Variants in TAFA5 observed in about 807,000 individuals in gnomAD.
The protein encoded by TAFA5 is chemokine-like protein TAFA-5.
In TAFA5, 6 loss-of-function variants were observed where a neutral mutation model predicts 15.3. The ratio of observed to expected loss-of-function variants is 0.39; its 90% confidence interval spans 0.21 to 0.77. The LOEUF is 0.77. Among genes scored for constraint, TAFA5 ranks in the 30% least tolerant of loss-of-function variants. The pLI is 0.41. For synonymous variants in TAFA5, 103 were observed against 80.7 expected (o/e 1.28, Z -1.48); for missense variants, 161 against 193.1 (o/e 0.83, Z 0.98).
chr22:48,499,808 C>A (rs892434951), intron 1 of TAFA5, among the ~76,000 whole-genome samples: 2 of 152,218 alleles, frequency 1.3e-5, no homozygotes, highest in Non-Finnish European at 2.9e-5. Context: ...CGGACCTTCC[C>A]TCCCGGGTCC....
intron 1 of TAFA5, among the ~76,000 whole-genome samples, chr22:48,628,789 GCCA>G (rs1300172678): frequency 3.9e-5 from 6 of 152,224 alleles, no homozygotes; most frequent in Admixed American, 2.6e-4. Context: ...CAGCTCCGCG[GCCA>G]CCAACAGTTA....
At chr22:48,717,026 T>G (rs1413097488) in intron 3 of TAFA5, among the ~76,000 whole-genome samples, 1 of 152,090 alleles carries the variant, frequency 6.6e-6, no homozygotes, top group East Asian at 1.9e-4. Flanking sequence ...TTTCTAAAAA[T>G]CTCTCCAGAA....
intron 1 of TAFA5, among the ~76,000 whole-genome samples, chr22:48,577,609 C>T (rs190697566): frequency 6.6e-6 from 1 of 152,330 alleles, no homozygotes; most frequent in Non-Finnish European, 1.5e-5. Context: ...AGAGGAAGGG[C>T]TTGCAACATT....
At chr22:48,641,382 TG>T (rs1926670571) in intron 1 of TAFA5, among the ~76,000 whole-genome samples, 1 of 152,124 alleles carries the variant, frequency 6.6e-6, no homozygotes, top group African/African-American at 2.4e-5. Context: ...GGGCTGGTCC[TG>T]GGGGCTGGAG....
chr22:48,698,283 C>G (rs1210007509), intron 2 of TAFA5, among the ~76,000 whole-genome samples: 1 of 151,826 alleles, frequency 6.6e-6, no homozygotes, highest in Admixed American at 6.6e-5. Flanking sequence ...CGAGACCAGC[C>G]TGGCCAACAT....
intron 3 of TAFA5, among the ~76,000 whole-genome samples, chr22:48,740,381 C>T (rs372516435): frequency 1.3e-5 from 2 of 152,304 alleles, no homozygotes; most frequent in East Asian, 1.9e-4. Context: ...CTCCAGACTC[C>T]GGCCCCTCCC....
chr22:48,585,172 G>C (rs972778705), intron 1 of TAFA5, among the ~76,000 whole-genome samples: 3 of 130,642 alleles, frequency 2.3e-5, no homozygotes, highest in Non-Finnish European at 4.9e-5. Flanking sequence ...CACCACACAC[G>C]ACACACTGTG....
At chr22:48,571,531 C>T (rs551422491) in intron 1 of TAFA5, among the ~76,000 whole-genome samples, 142 of 144,038 alleles carry the variant, frequency 9.9e-4, no homozygotes, top group African/African-American at 3.5e-3. Context: ...CCTTGGCCTC[C>T]CAAAGTGCTG....
chr22:48,695,093 T>C (rs130119), intron 2 of TAFA5, among the ~76,000 whole-genome samples: 152,061 of 152,066 alleles, frequency 1, 76,028 homozygotes, highest in Middle Eastern at 1. Context: ...CCATTTGACT[T>C]CGTGAGGCCA....
intron 1 of TAFA5, among the ~76,000 whole-genome samples, chr22:48,591,678 C>G (rs143856855): frequency 6.6e-6 from 1 of 152,154 alleles, no homozygotes; most frequent in Admixed American, 6.5e-5. Flanking sequence ...AGGTGAATGC[C>G]GGAGCCTGGG....
At chr22:48,663,373 C>A (rs950740867) in intron 2 of TAFA5, among the ~76,000 whole-genome samples, 1 of 152,138 alleles carries the variant, frequency 6.6e-6, no homozygotes, top group African/African-American at 2.4e-5. Context: ...CTGCCAAAGT[C>A]ACCTTGGACC....
At chr22:48,501,798 C>T (rs1034062100) in intron 1 of TAFA5, among the ~76,000 whole-genome samples, 2 of 152,230 alleles carry the variant, frequency 1.3e-5, no homozygotes, top group East Asian at 1.9e-4. Flanking sequence ...TTCTCAGCCC[C>T]TCTCTGTGCC....
At chr22:48,576,394 C>T in intron 1 of TAFA5, 1 of 1,231,006 alleles carries the variant, frequency 8.1e-7, no homozygotes, top group South Asian at 3.8e-5. Flanking sequence ...CGGGCGGCCG[C>T]GGAGGCTGCA....
At chr22:48,590,421 C>T (rs910737440) in intron 1 of TAFA5, among the ~76,000 whole-genome samples, 7 of 152,158 alleles carry the variant, frequency 4.6e-5, no homozygotes, top group African/African-American at 9.7e-5. Context: ...ATGGCAAAGG[C>T]GCTGGCTTTC....
At chr22:48,689,231 C>T (rs903303895) in intron 2 of TAFA5, among the ~76,000 whole-genome samples, 2 of 152,112 alleles carry the variant, frequency 1.3e-5, no homozygotes, top group South Asian at 2.1e-4. Context: ...CTGGTCTGCA[C>T]GCCGTATGCA....
intron 2 of TAFA5, among the ~76,000 whole-genome samples, chr22:48,702,458 G>A (rs998817956): frequency 1.3e-5 from 2 of 152,044 alleles, no homozygotes; most frequent in African/African-American, 4.8e-5. Context: ...GGGCTCCCTG[G>A]CTCCCTTCTC....
chr22:48,563,490 C>T (rs1026591779), intron 1 of TAFA5, among the ~76,000 whole-genome samples: 2 of 152,150 alleles, frequency 1.3e-5, no homozygotes, highest in African/African-American at 4.8e-5. Flanking sequence ...AGGCGGGTGG[C>T]GTGTGGGGCT....
intron 2 of TAFA5, among the ~76,000 whole-genome samples, chr22:48,700,659 G>C (rs1928877010): frequency 6.6e-6 from 1 of 152,162 alleles, no homozygotes; most frequent in Non-Finnish European, 1.5e-5. Context: ...GTTTGCCTGT[G>C]GGCACCTGTG....
chr22:48,736,683 G>A (rs76481299), intron 3 of TAFA5, among the ~76,000 whole-genome samples: 1,797 of 152,330 alleles, frequency 0.012, 43 homozygotes, highest in African/African-American at 0.041. Context: ...CTGATGAACC[G>A]GCAACACGGA....
Sources: gnomAD v4.1 joint callset for allele counts (sites outside exome capture counted in the v4.1 genomes callset) on GRCh38, gnomAD v4.1.1 for gene constraint, MANE v1.5 for transcripts, NCBI Gene and HGNC (gene_info 2026-07-23, HGNC 2026-07-21) for gene names.